The following FAP variants were observed in gnomAD, a reference collection of about 807,000 sequenced individuals.
The protein encoded by FAP is fibroblast activation protein alpha, also known as prolyl endopeptidase FAP.
A neutral mutation model predicts 126.5 loss-of-function variants in FAP; 110 were observed. The observed-to-expected ratio is 0.87, with a 90% confidence interval of 0.74 to 1.02. The LOEUF (loss-of-function observed/expected upper bound fraction) is 1.02. FAP is among the 50% of genes least tolerant of loss of function. The probability of loss-of-function intolerance (pLI) is 0.00; values close to 1 mark genes in which losing one functional copy is unlikely to be tolerated. For missense variants in FAP, 919 were observed against 909.2 expected (o/e 1.01, Z -0.14); for synonymous variants, 334 against 297.3 (o/e 1.12, Z -1.27).
rs370535996 is a variant in FAP, at chr2:162,226,535, T to C, written c.178A>G (p.Asn60Asp). 75 of 1,561,950 alleles carry C rather than the reference T, an allele frequency of 4.8e-5. No individual in the cohort carries two copies. The Middle Eastern group carries it at 1.5e-3, about 32-fold the overall frequency. ...GTFSYKTFFPNWISGQEYLHQ... is the reference protein window; with the variant it reads ...GTFSYKTFFPDWISGQEYLHQ... ...ATAATGCACTTACCTGAAATCCAGTTTGGAAAAAATGTTTTATAAGAAAAT... is the reference window on the plus strand; with the variant it reads ...ATAATGCACTTACCTGAAATCCAGTCTGGAAAAAATGTTTTATAAGAAAAT... Residue 60 changes from asparagine (N) to aspartate (D), a missense_variant, in exon 3 of 26, where the codon AAC (asparagine) becomes GAC (aspartate). Transcript: ENST00000188790.
rs767894138 is a variant in FAP at position 162,214,074 on chromosome 2, C to G, written c.867-1G>C. 6.2e-7 allele frequency: 1 copy of G among 1,613,368 alleles called. No homozygotes were observed. The highest frequency in any genetic ancestry group is 1.1e-5 in the South Asian group (1 of 90,906). On this transcript the variant is annotated splice_acceptor_variant, in intron 10 of 25. Coordinates refer to ENST00000188790, the MANE Select transcript of FAP (RefSeq NM_004460.5). LOFTEE classifies it high-confidence loss of function. ...CGTGAGCCAACTGAAATAATAATCACTGCAAATAAAATAGAAACAGGTAGT... is the reference window on the plus strand; with the variant it reads ...CGTGAGCCAACTGAAATAATAATCAGTGCAAATAAAATAGAAACAGGTAGT...
chr2:162,189,246 A>C, intron 18 of FAP, 74 bp from the exon 19 acceptor site: 1 of 797,612 alleles, frequency 1.3e-6, no homozygotes, highest in Non-Finnish European at 2.0e-6. Context: ...TTTAATAACA[A>C]TATATGCAAT....
At chr2:162,227,217 A>G (rs1013256603) in intron 2 of FAP, among the ~76,000 whole-genome samples, 4 of 152,194 alleles carry the variant, frequency 2.6e-5, no homozygotes, top group Non-Finnish European at 4.4e-5. Flanking sequence ...GGATTTTTAT[A>G]TAAAGAAAGT....
At position 162,236,962 on chromosome 2, in the gene FAP, TCCA is replaced by T. The variant is rs1240942524; in HGVS notation, c.91+5943_91+5945del. On this transcript the variant is annotated intron_variant, in intron 2 of 25. Transcript: ENST00000188790. ...CTTAAAAGGTCCTAACATCTGTTTTTCCACCAAGTATAAATCATAACCTGTATT... is the reference window on the plus strand; with the variant it reads ...CTTAAAAGGTCCTAACATCTGTTTTTCCAAGTATAAATCATAACCTGTATT... 2.0e-5 allele frequency among the ~76,000 whole-genome samples: 3 copies of T among 152,342 alleles called. No homozygotes were observed. In the East Asian group the frequency reaches 5.8e-4, roughly 29 times the overall value.
chr2:162,241,337 A>G (rs990723340), intron 2 of FAP, among the ~76,000 whole-genome samples: 2 of 152,250 alleles, frequency 1.3e-5, no homozygotes, highest in Non-Finnish European at 2.9e-5. Context: ...GCTATACATA[A>G]CTAAACTTGG....
At chr2:162,212,138 T>A (rs1688962427) in intron 11 of FAP, among the ~76,000 whole-genome samples, 1 of 152,348 alleles carries the variant, frequency 6.6e-6, no homozygotes, top group East Asian at 1.9e-4. Flanking sequence ...TGAATGAGCA[T>A]CTTAAATGTT....
chr2:162,180,247 A>C (rs1687650680), intron 21 of FAP, among the ~76,000 whole-genome samples: 1 of 152,216 alleles, frequency 6.6e-6, no homozygotes, highest in Admixed American at 6.5e-5. Context: ...AGTCCTATAA[A>C]ATACATAAGC....
At chr2:162,229,168 C>T (rs1351331427) in intron 2 of FAP, among the ~76,000 whole-genome samples, 1 of 151,992 alleles carries the variant, frequency 6.6e-6, no homozygotes, top group Non-Finnish European at 1.5e-5. Context: ...TTGTGTTATG[C>T]TTAATTAAGA....
intron 16 of FAP, 133 bp from the exon 17 acceptor site, chr2:162,194,881 C>T: frequency 2.6e-6 from 2 of 766,304 alleles, no homozygotes; most frequent in African/African-American, 1.7e-5. Context: ...TATTTTTTTC[C>T]CCATAGAGAA....
chr2:162,220,449 T>A (rs2106278065), intron 6 of FAP, among the ~76,000 whole-genome samples: 1 of 152,350 alleles, frequency 6.6e-6, no homozygotes, highest in South Asian at 2.1e-4. Flanking sequence ...GTATGTGCTC[T>A]TCTACATTCT....
At chr2:162,229,085 T>C (rs1158870778) in intron 2 of FAP, among the ~76,000 whole-genome samples, 1 of 152,188 alleles carries the variant, frequency 6.6e-6, no homozygotes, top group Non-Finnish European at 1.5e-5. Flanking sequence ...TTAAAAAGTA[T>C]AAATAATGCT....
Position 162,173,177 on chromosome 2 carries a change from G to A in FAP, c.2079C>T (p.Asp693=). The A allele has an allele frequency of 1.2e-6, 2 of 1,613,200 alleles. No individual in the cohort carries two copies. Among genetic ancestry groups the A allele is most frequent in the East Asian group, 2.2e-5 (1 of 44,862 alleles). Residue 693 remains aspartate, a synonymous_variant, in exon 24 of 26, where the codon GAC becomes GAT. Transcript: ENST00000188790. ...CTGCTGTTCCGTGGATGAGAAGATA[G>A]TCTACATTTCTGAAATATTCTGCTC... ...MARAEYFRNV[D]YLLIHGTADD... is the part of the protein sequence containing the mutation.
chr2:162,175,694 T>C (rs1006197548), intron 21 of FAP: 2 of 152,154 alleles, frequency 1.3e-5, no homozygotes, highest in African/African-American at 4.8e-5. Flanking sequence ...GATTTTCTTC[T>C]CCAAGGAATC....
intron 12 of FAP, among the ~76,000 whole-genome samples, chr2:162,205,473 T>C (rs529242996): frequency 1.6e-4 from 24 of 152,318 alleles, no homozygotes; most frequent in African/African-American, 5.8e-4. Context: ...TAAATGATAA[T>C]ATACATACTT....
At chr2:162,179,790 C>CTATCTATATA (rs1553684067) in intron 21 of FAP, among the ~76,000 whole-genome samples, 1 of 115,550 alleles carries the variant, frequency 8.7e-6, no homozygotes, top group African/African-American at 3.3e-5. Flanking sequence ...ATCTATCTAT[C>CTATCTATATA]TATATATATA....
intron 20 of FAP, among the ~76,000 whole-genome samples, chr2:162,185,757 C>A (rs1687849070): frequency 6.6e-6 from 1 of 152,050 alleles, no homozygotes; most frequent in Non-Finnish European, 1.5e-5. Flanking sequence ...AAATTTTATT[C>A]TCTGAGAGGC....
intron 21 of FAP, among the ~76,000 whole-genome samples, chr2:162,176,973 G>T (rs553575493): frequency 2.6e-5 from 4 of 152,232 alleles, no homozygotes; most frequent in South Asian, 4.1e-4. Flanking sequence ...TGTATCAGCA[G>T]CACAACAAAA....
chr2:162,233,911 A>C (rs1689999810), intron 2 of FAP, among the ~76,000 whole-genome samples: 1 of 152,200 alleles, frequency 6.6e-6, no homozygotes, highest in Admixed American at 6.5e-5. Context: ...AATTGGGTCC[A>C]ACATCTTTTT....
chr2:162,236,909 T>C (rs967922096), intron 2 of FAP, among the ~76,000 whole-genome samples: 2 of 152,200 alleles, frequency 1.3e-5, no homozygotes, highest in Admixed American at 1.3e-4. Flanking sequence ...TGTTTTCTTT[T>C]TTAACATACA....
Sources: allele counts gnomAD v4.1 joint callset (sites outside exome capture counted in the v4.1 genomes callset), GRCh38; gene constraint gnomAD v4.1.1; transcripts MANE v1.5; gene names NCBI Gene and HGNC (gene_info 2026-07-23, HGNC 2026-07-21).